Variants in CCDC14 observed in about 807,000 individuals in gnomAD.
The protein encoded by CCDC14 is coiled-coil domain-containing protein 14.
CCDC14 carries 71 observed loss-of-function variants against 81.4 expected under a neutral mutation model. That is an observed-to-expected ratio of 0.87 (90% CI 0.72 to 1.06). The LOEUF (loss-of-function observed/expected upper bound fraction) is 1.06, where lower values mean the gene tolerates loss of function less well. Ranked by LOEUF, CCDC14 falls within the 50% of genes least tolerant of loss-of-function variation. CCDC14 has a pLI of 0.00. For missense variants in CCDC14, 1,046 were observed against 1,047.3 expected, an observed-to-expected ratio of 1.00 and a Z score of 0.02; for synonymous variants, 332 against 364.8, an observed-to-expected ratio of 0.91 and a Z score of 1.03.
chr3:123,916,998 C>T (rs979921152), intron 12 of CCDC14, among the ~76,000 whole-genome samples: 3 of 151,730 alleles, frequency 2.0e-5, no homozygotes, highest in South Asian at 4.2e-4. Context: ...CCCTCCACCA[C>T]GCAGGGCTAA....
Position 123,944,870 on chromosome 3 carries a change from C to T in CCDC14, c.1322G>A (p.Ser441Asn), listed in dbSNP as rs770629793. Residue 441 changes from serine to asparagine, a missense_variant, in exon 9 of 13, where the codon AGT becomes AAT. By Grantham distance (46) the Ser-to-Asn change is conservative. Coordinates refer to ENST00000409697, the MANE Select transcript of CCDC14 (RefSeq NM_001366335.1). ...TTACCTTCGTAACTGAGCATTCTCA[C>T]TTCTTAATGGTTGCATGGCCAGTGC... is the stretch of plus-strand genomic sequence containing the variant. ...EIALAMQPLR[S>N]ENAQLRRQLR... is the part of the protein sequence containing the mutation. 6 of 1,611,166 alleles carry T rather than the reference C, an allele frequency of 3.7e-6. No homozygotes were observed. Among genetic ancestry groups the T allele is most frequent in the Non-Finnish European group, 4.2e-6 (5 of 1,178,098 alleles).
At chr3:123,916,605 GAA>G (rs1231574419) in intron 12 of CCDC14, among the ~76,000 whole-genome samples, 5 of 152,018 alleles carry the variant, frequency 3.3e-5, no homozygotes, top group Admixed American at 1.3e-4. Context: ...CAGAAGGTTT[GAA>G]GTTAGAAATG....
intron 1 of CCDC14, among the ~76,000 whole-genome samples, chr3:123,959,526 A>T (rs1199829861): frequency 1.3e-5 from 2 of 152,096 alleles, no homozygotes; most frequent in Non-Finnish European, 2.9e-5. Context: ...TGTATTTTGG[A>T]TATTATTTAT....
intron 12 of CCDC14, among the ~76,000 whole-genome samples, chr3:123,929,859 T>C (rs757141988): frequency 6.6e-6 from 1 of 152,230 alleles, no homozygotes; most frequent in South Asian, 2.1e-4. Context: ...TCACACCATA[T>C]GTGGCCTTTT....
At position 123,931,319 on chromosome 3, in the gene CCDC14, C is replaced by A; in HGVS notation, c.1634G>T (p.Arg545Ile). 6.5e-7 allele frequency: 1 copy of A among 1,530,300 alleles called. No individual in the cohort carries two copies. Among genetic ancestry groups the A allele is most frequent in the Non-Finnish European group, 8.9e-7 (1 of 1,127,562 alleles). The allele number at this position is 1,530,300 out of a possible 1,614,324, so 94.8% of individuals were successfully genotyped here. ...GTCTAAATACGTACCAATTTTTATT[C>A]TTGTTATCTCAATATCATATTGCTG... The part of the protein sequence containing the change: ...NKQQYDIEIT[R>I]IKIELEEALV... Residue 545 changes from arginine (R) to isoleucine (I), a missense_variant, in exon 11 of 13, where the codon AGA becomes ATA. Coordinates refer to ENST00000409697, the MANE Select transcript of CCDC14 (RefSeq NM_001366335.1).
Position 123,915,135 on chromosome 3 carries a change from T to C in CCDC14, c.2362A>G (p.Lys788Glu), listed in dbSNP as rs780548962. ...CTPVICSSST[K>E]EAEDAPEKLS... ...TTTTCAGGTGCATCTTCTGCTTCCTTTGTTGAAGAGGAACAGATTACAGGT... is the reference window on the plus strand; with the variant it reads ...TTTTCAGGTGCATCTTCTGCTTCCTCTGTTGAAGAGGAACAGATTACAGGT... The change falls in exon 13 of 13, where the codon AAG (lysine) becomes GAG (glutamate). Residue 788 changes from lysine (K) to glutamate (E), a missense_variant. Lys to Glu is a moderately conservative substitution (Grantham distance 56). Coordinates refer to ENST00000409697, the MANE Select transcript of CCDC14 (RefSeq NM_001366335.1). 6.2e-7 allele frequency: 1 copy of C among 1,613,914 alleles called. No individual in the cohort carries two copies. The highest frequency in any genetic ancestry group is 2.2e-5 in the East Asian group (1 of 44,892).
chr3:123,925,919 T>A (rs1187302821), intron 12 of CCDC14, among the ~76,000 whole-genome samples: 1 of 152,196 alleles, frequency 6.6e-6, no homozygotes, highest in Non-Finnish European at 1.5e-5. Flanking sequence ...TATTAATTTG[T>A]CAATTATGAT....
intron 9 of CCDC14, among the ~76,000 whole-genome samples, chr3:123,937,082 T>C (rs1349174336): frequency 6.6e-6 from 1 of 152,132 alleles, no homozygotes; most frequent in Non-Finnish European, 1.5e-5. Context: ...TATTCTACTG[T>C]ATGGATATAG....
chr3:123,932,691 A>G (rs948143963), intron 10 of CCDC14, among the ~76,000 whole-genome samples: 8 of 152,160 alleles, frequency 5.3e-5, no homozygotes, highest in Admixed American at 5.2e-4. Context: ...TTCTGGTACT[A>G]TTATAGTTTC....
chr3:123,895,871 A>G (rs2034053332), downstream of CCDC14, among the ~76,000 whole-genome samples: 1 of 152,194 alleles, frequency 6.6e-6, no homozygotes, highest in Non-Finnish European at 1.5e-5. Flanking sequence ...GCCCTTCAAA[A>G]AACTAAAAGT....
downstream of CCDC14, among the ~76,000 whole-genome samples, chr3:123,896,073 T>C (rs890207874): frequency 6.6e-6 from 1 of 152,216 alleles, no homozygotes; most frequent in Non-Finnish European, 1.5e-5. Context: ...GGTTTGAATA[T>C]CTGTCCTCTC....
intron 2 of CCDC14, 47 bp from the exon 3 acceptor site, chr3:123,956,474 T>C: frequency 7.5e-7 from 1 of 1,325,396 alleles, no homozygotes; most frequent in Non-Finnish European, 1.0e-6. Flanking sequence ...TTTCCCAAAA[T>C]ATATTAGTAA....
chr3:123,951,220 T>C (rs934506186), intron 5 of CCDC14, among the ~76,000 whole-genome samples: 5 of 152,190 alleles, frequency 3.3e-5, no homozygotes, highest in African/African-American at 1.2e-4. Flanking sequence ...CTTGTAAATT[T>C]CTTAAAGCAA....
chr3:123,891,350 C>A, the CCDC14 span, among the ~76,000 whole-genome samples: 1 of 150,838 alleles, frequency 6.6e-6, no homozygotes, highest in Non-Finnish European at 1.5e-5. Flanking sequence ...GGGATTTTCT[C>A]TTCTATTGCA....
chr3:123,953,051 T>C (rs760778929), intron 5 of CCDC14: 2 of 154,886 alleles, frequency 1.3e-5, no homozygotes, highest in Non-Finnish European at 2.9e-5. Context: ...CTGATTCGGC[T>C]GTAATCCAAA....
In CCDC14 at chr3:123,961,078, C is replaced by G. The variant is rs557167390; in HGVS notation, c.30+66G>C. On this transcript the variant is annotated intron_variant, in intron 1 of 12. Coordinates refer to ENST00000409697, the MANE Select transcript of CCDC14 (RefSeq NM_001366335.1). ...TTTTCGAGCAGAGTTTTACAAGTTC[C>G]TGGCCCGAAAACCCCCCTGTCCCTC... 5.0e-5 allele frequency: 68 copies of G among 1,369,206 alleles called. No homozygotes were observed. The African/African-American group carries it at 8.8e-4, about 18-fold the overall frequency. The allele number at this position is 1,369,206 out of a possible 1,614,324, so 84.8% of individuals were successfully genotyped here.
intron 5 of CCDC14, among the ~76,000 whole-genome samples, chr3:123,897,781 A>G (rs2034098107): frequency 6.6e-6 from 1 of 152,170 alleles, no homozygotes; most frequent in Admixed American, 6.5e-5. Context: ...ACACTGTAGA[A>G]GTTTATCTTA....
At chr3:123,910,301 A>G (rs1025366317), downstream of CCDC14, among the ~76,000 whole-genome samples, 5 of 152,150 alleles carry the variant, frequency 3.3e-5, no homozygotes, top group Admixed American at 6.5e-5. Context: ...TAAAACTACT[A>G]TAAGATTATA....
At position 123,944,838 on chromosome 3, in the gene CCDC14, G is replaced by A; in HGVS notation, c.1343+11C>T. 1 of 1,596,556 alleles carries A rather than the reference G, an allele frequency of 6.3e-7. No homozygotes were observed. Among genetic ancestry groups the A allele is most frequent in the Non-Finnish European group, 8.6e-7 (1 of 1,168,000 alleles). On this transcript the variant is annotated intron_variant, in intron 9 of 12. Transcript: ENST00000409697. Reference sequence around the variant, plus strand: ...GCATACAGACAAAAATATTCAAAGAGCAATTCTTACCTTCGTAACTGAGCA... The same window carrying A: ...GCATACAGACAAAAATATTCAAAGAACAATTCTTACCTTCGTAACTGAGCA...
Sources: allele counts gnomAD v4.1 joint callset (sites outside exome capture counted in the v4.1 genomes callset), GRCh38; gene constraint gnomAD v4.1.1; transcripts MANE v1.5; gene names NCBI Gene and HGNC (gene_info 2026-07-23, HGNC 2026-07-21).